The following LIPC variants were observed in gnomAD, a reference collection of about 807,000 sequenced individuals.
LIPC encodes the protein hepatic triacylglycerol lipase.
LIPC carries 44 observed loss-of-function variants against 50.7 expected under a neutral mutation model. The observed-to-expected ratio is 0.87, with a 90% CI of 0.68 to 1.11. The LOEUF (loss-of-function observed/expected upper bound fraction) is 1.11, where lower values mean the gene tolerates loss of function less well. Ranked by LOEUF, LIPC falls within the 50% of genes most tolerant of loss-of-function variation. The pLI, the probability that LIPC is intolerant of heterozygous loss-of-function variation, is 0.00. For missense variants in LIPC, 697 were observed against 648.2 expected, an observed-to-expected ratio of 1.08 and a Z score of -0.82; for synonymous variants, 271 against 256.4, an observed-to-expected ratio of 1.06 and a Z score of -0.54.
chr15:58,501,116 G>A (rs1180614894), intron 1 of LIPC, among the ~76,000 whole-genome samples: 1 of 151,958 alleles, frequency 6.6e-6, no homozygotes, highest in Non-Finnish European at 1.5e-5. Context: ...TCTGGGTCCT[G>A]CTGACTCCAC....
At chr15:58,524,574 T>C (rs2140880961) in intron 1 of LIPC, among the ~76,000 whole-genome samples, 1 of 152,380 alleles carries the variant, frequency 6.6e-6, no homozygotes, top group Non-Finnish European at 1.5e-5. Flanking sequence ...TCAAGGTGTG[T>C]GGTCACACTT....
Position 58,568,751 on chromosome 15 carries a change from T to G in LIPC, c.1424T>G (p.Leu475Arg). 1 of 1,611,240 alleles carries G rather than the reference T, an allele frequency of 6.2e-7. No homozygotes were observed. The highest frequency in any genetic ancestry group is 8.5e-7 in the Non-Finnish European group (1 of 1,177,738). The change falls in exon 9 of 9, where the codon CTA becomes CGA. Residue 475 changes from leucine to arginine, a missense_variant. Physicochemically the swap from Leu to Arg is moderately radical, Grantham distance 102. Transcript: ENST00000299022. ...TFCSENTDDL[L>R]LRPTQEKIFV... ...TGTTCAGAAAACACAGATGACCTAC[T>G]ACTTCGCCCAACCCAGGAAAAAATC...
At chr15:58,548,804 G>A (rs185175647) in intron 6 of LIPC, among the ~76,000 whole-genome samples, 18 of 152,280 alleles carry the variant, frequency 1.2e-4, no homozygotes, top group East Asian at 1.2e-3. Context: ...TTTCTGAAAC[G>A]ATCCTTGGGT....
intron 1 of LIPC, among the ~76,000 whole-genome samples, chr15:58,469,931 G>T (rs1393845498): frequency 1.3e-5 from 1 of 79,872 alleles, no homozygotes; most frequent in Admixed American, 2.1e-4. Context: ...CATCTTCATG[G>T]AATTTTTTTT....
intron 8 of LIPC, chr15:58,564,050 AGTGCTGC>A: frequency 2.5e-6 from 1 of 407,706 alleles, no homozygotes; most frequent in South Asian, 2.2e-5. Flanking sequence ...AGGTGATGTC[AGTGCTGC>A]CAGTCCAAGG....
rs34053638 is a variant in LIPC at position 58,464,855 on chromosome 15, C to G, written c.88+32735C>G. Among the ~76,000 whole-genome samples, 3 of 152,072 alleles carry G rather than the reference C, an allele frequency of 2.0e-5. No homozygotes were observed. The East Asian group carries it at 5.8e-4, about 29-fold the overall frequency. ...GGGTGTGGTGGTGTGCACCTGTAGT[C>G]CCAGCTACTCAGGAGACTGAGGCAG... On this transcript the variant is annotated intron_variant, in intron 1 of 8. Coordinates refer to ENST00000299022, the MANE Select transcript of LIPC (RefSeq NM_000236.3).
At chr15:58,469,895 G>A (rs971996120) in intron 1 of LIPC, among the ~76,000 whole-genome samples, 5 of 151,672 alleles carry the variant, frequency 3.3e-5, no homozygotes, top group Non-Finnish European at 7.4e-5. Flanking sequence ...TTTTCTCAAT[G>A]CTGGATGACA....
chr15:58,461,931 C>T (rs1894365480), intron 1 of LIPC, among the ~76,000 whole-genome samples: 1 of 151,984 alleles, frequency 6.6e-6, no homozygotes, highest in South Asian at 2.1e-4. Context: ...TCCCCCCGCC[C>T]CCACATCCCA....
chr15:58,445,137 C>T (rs747295318), intron 1 of LIPC, among the ~76,000 whole-genome samples: 1 of 152,200 alleles, frequency 6.6e-6, no homozygotes, highest in Non-Finnish European at 1.5e-5. Flanking sequence ...TGGGGAGAGG[C>T]ATCCTCCCTC....
intron 1 of LIPC, among the ~76,000 whole-genome samples, chr15:58,456,859 C>A (rs907155266): frequency 6.6e-6 from 1 of 152,178 alleles, no homozygotes; most frequent in Non-Finnish European, 1.5e-5. Context: ...CTTTACCATG[C>A]GTAGAATGGG....
intron 1 of LIPC, among the ~76,000 whole-genome samples, chr15:58,462,827 C>T (rs1477389586): frequency 1.3e-5 from 2 of 152,148 alleles, no homozygotes; most frequent in African/African-American, 4.8e-5. Flanking sequence ...GCAGAGGGGG[C>T]AGGCCTGAAG....
At chr15:58,510,198 T>C (rs879784658) in intron 1 of LIPC, among the ~76,000 whole-genome samples, 8 of 152,350 alleles carry the variant, frequency 5.3e-5, no homozygotes, top group Non-Finnish European at 7.3e-5. Flanking sequence ...ACAGATACTT[T>C]ATGTCTTCAG....
At chr15:58,567,180 G>C (rs576719453) in intron 8 of LIPC, among the ~76,000 whole-genome samples, 145 of 135,288 alleles carry the variant, frequency 1.1e-3, no homozygotes, top group African/African-American at 3.9e-3. Context: ...CCAGCCTGGC[G>C]ACAGAGCGAG....
intron 1 of LIPC, among the ~76,000 whole-genome samples, chr15:58,533,834 A>G (rs1437136724): frequency 6.6e-6 from 1 of 152,244 alleles, no homozygotes; most frequent in Non-Finnish European, 1.5e-5. Context: ...CACTTTTCAA[A>G]TTATACTGAA....
chr15:58,465,091 A>G (rs544959122), intron 1 of LIPC, among the ~76,000 whole-genome samples: 44 of 152,370 alleles, frequency 2.9e-4, no homozygotes, highest in African/African-American at 9.1e-4. Flanking sequence ...GAAAAGCCCT[A>G]TCACTGCTAC....
At chr15:58,487,627 T>C (rs187730029) in intron 1 of LIPC, among the ~76,000 whole-genome samples, 176 of 152,366 alleles carry the variant, frequency 1.2e-3, no homozygotes, top group African/African-American at 4.0e-3. Flanking sequence ...AAGCTAATTA[T>C]TGCAATTCCA....
rs1328173607 is a variant in LIPC, at chr15:58,447,167, AAAAAG to A, written c.88+15048_88+15052del. ...CATCTCAAAAAAAAAAAAAAAAAAA[AAAAAG>A]GAAATGAGTTTTAAGTAATTTCATC... On this transcript the variant is annotated intron_variant, in intron 1 of 8. Coordinates refer to ENST00000299022, the MANE Select transcript of LIPC (RefSeq NM_000236.3). 1.2e-3 allele frequency among the ~76,000 whole-genome samples: 180 copies of A among 151,536 alleles called. 1 individual carries two copies. Among genetic ancestry groups the A allele is most frequent in the African/African-American group, 4.2e-3 (172 of 41,124 alleles).
At chr15:58,441,228 G>T (rs1252865246) in intron 1 of LIPC, among the ~76,000 whole-genome samples, 3 of 152,196 alleles carry the variant, frequency 2.0e-5, no homozygotes, top group East Asian at 3.8e-4. Context: ...AAGTCTCTTT[G>T]AAGTTTTCTT....
intron 1 of LIPC, among the ~76,000 whole-genome samples, chr15:58,483,213 G>T (rs1397326338): frequency 6.6e-6 from 1 of 152,126 alleles, no homozygotes; most frequent in Non-Finnish European, 1.5e-5. Flanking sequence ...AATCACAGTG[G>T]CCATATAGAG....
Sources: gnomAD v4.1 joint callset for allele counts (sites outside exome capture counted in the v4.1 genomes callset) on GRCh38, gnomAD v4.1.1 for gene constraint, MANE v1.5 for transcripts, NCBI Gene and HGNC (gene_info 2026-07-23, HGNC 2026-07-21) for gene names.